AGBL4: variants seen among roughly 807,000 people sequenced by gnomAD.
The protein encoded by AGBL4 is AGBL carboxypeptidase 4, also known as cytosolic carboxypeptidase 6.
AGBL4 carries 58 observed loss-of-function variants against 66.4 expected under a neutral mutation model. That is an observed-to-expected ratio of 0.87 (90% confidence interval 0.71 to 1.09). The LOEUF is 1.09. Ranked by LOEUF, AGBL4 falls within the 50% of genes least tolerant of loss-of-function variation. AGBL4 has a pLI of 0.00. For synonymous variants in AGBL4, 234 were observed against 222.9 expected, an observed-to-expected ratio of 1.05 and a Z score of -0.44; for missense variants, 579 against 631.0, an observed-to-expected ratio of 0.92 and a Z score of 0.88.
At chr1:49,911,815 T>C (rs1050144725) in intron 1 of AGBL4, among the ~76,000 whole-genome samples, 1 of 152,130 alleles carries the variant, frequency 6.6e-6, no homozygotes, top group Non-Finnish European at 1.5e-5. Context: ...TCACACACAA[T>C]AGTGCACTGG....
At chr1:49,718,760 A>T (rs2124680931) in intron 2 of AGBL4, among the ~76,000 whole-genome samples, 1 of 152,110 alleles carries the variant, frequency 6.6e-6, no homozygotes, top group Middle Eastern at 3.4e-3. Context: ...TTTTGTCTGT[A>T]TTTTCTTCTT....
At chr1:49,630,865 G>A (rs1044151508) in intron 3 of AGBL4, among the ~76,000 whole-genome samples, 2 of 152,148 alleles carry the variant, frequency 1.3e-5, no homozygotes, top group South Asian at 4.1e-4. Context: ...ATTTGTAGTA[G>A]TAGTATTTTA....
At chr1:49,133,579 T>C (rs1201289019) in intron 4 of AGBL4, among the ~76,000 whole-genome samples, 1 of 152,216 alleles carries the variant, frequency 6.6e-6, no homozygotes, top group South Asian at 2.1e-4. Flanking sequence ...TTAAAAATAG[T>C]ATAATATGTA....
intron 1 of AGBL4, among the ~76,000 whole-genome samples, chr1:49,981,035 CTATT>C (rs983845534): frequency 1.3e-5 from 2 of 152,066 alleles, no homozygotes; most frequent in Admixed American, 6.5e-5. Flanking sequence ...ATTACATAAA[CTATT>C]TAATTACTAA....
At chr1:48,782,086 A>G (rs1247044829) in intron 6 of AGBL4, among the ~76,000 whole-genome samples, 1 of 152,200 alleles carries the variant, frequency 6.6e-6, no homozygotes, top group Admixed American at 6.5e-5. Context: ...TTGTGGTTAT[A>G]TTTCAATTTT....
intron 3 of AGBL4, among the ~76,000 whole-genome samples, chr1:49,311,217 G>T (rs1302806619): frequency 6.6e-6 from 1 of 151,950 alleles, no homozygotes; most frequent in Non-Finnish European, 1.5e-5. Flanking sequence ...TATCTTATCA[G>T]TAAATTGAGT....
intron 1 of AGBL4, among the ~76,000 whole-genome samples, chr1:49,934,756 G>A (rs1407679109): frequency 2.9e-5 from 4 of 138,726 alleles, no homozygotes; most frequent in African/African-American, 1.1e-4. Context: ...AGAAAAAGAA[G>A]AACAAACAAA....
chr1:49,393,065 A>G (rs1299405075), intron 3 of AGBL4, among the ~76,000 whole-genome samples: 2 of 152,180 alleles, frequency 1.3e-5, no homozygotes, highest in East Asian at 3.8e-4. Context: ...AACAAAGAAA[A>G]TAATACCTAA....
intron 3 of AGBL4, among the ~76,000 whole-genome samples, chr1:49,559,873 G>A (rs548270181): frequency 6.6e-6 from 1 of 152,244 alleles, no homozygotes; most frequent in Non-Finnish European, 1.5e-5. Flanking sequence ...TTGTGATAGT[G>A]TGAGTCAATT....
chr1:49,474,977 A>T (rs1326551675), intron 3 of AGBL4, among the ~76,000 whole-genome samples: 2 of 152,024 alleles, frequency 1.3e-5, no homozygotes, highest in Non-Finnish European at 2.9e-5. Flanking sequence ...CAGTACGTTG[A>T]ATAGTAGTGG....
intron 3 of AGBL4, among the ~76,000 whole-genome samples, chr1:49,641,479 C>T (rs185127689): frequency 3.3e-5 from 5 of 152,122 alleles, no homozygotes; most frequent in South Asian, 4.1e-4. Context: ...TGCAACATTT[C>T]GTTCCACAAT....
At chr1:49,275,647 G>T (rs763914798) in intron 3 of AGBL4, among the ~76,000 whole-genome samples, 2 of 152,040 alleles carry the variant, frequency 1.3e-5, no homozygotes, top group Admixed American at 1.3e-4. Flanking sequence ...AAAACCTATA[G>T]TATACCTGTT....
chr1:48,537,900 G>A (rs773795202), intron 12 of AGBL4, among the ~76,000 whole-genome samples: 83 of 152,170 alleles, frequency 5.5e-4, no homozygotes, highest in Admixed American at 3.2e-3. Context: ...AGAGGCAGGG[G>A]TCATGCTTTA....
At chr1:48,759,689 G>C (rs1890727) in intron 6 of AGBL4, among the ~76,000 whole-genome samples, 148,608 of 152,324 alleles carry the variant, frequency 0.98, 72,583 homozygotes, top group East Asian at 1. Flanking sequence ...AGGGAGAAAT[G>C]AGGCCAGGCC....
At chr1:49,462,178 T>C (rs1344301966) in intron 3 of AGBL4, among the ~76,000 whole-genome samples, 1 of 151,798 alleles carries the variant, frequency 6.6e-6, no homozygotes, top group Non-Finnish European at 1.5e-5. Flanking sequence ...AAACATTCAA[T>C]GATAATAGCT....
At chr1:49,260,038 A>G (rs1489425848) in intron 3 of AGBL4, among the ~76,000 whole-genome samples, 1 of 151,388 alleles carries the variant, frequency 6.6e-6, no homozygotes, top group Non-Finnish European at 1.5e-5. Flanking sequence ...GAAACTGAAC[A>G]ACCTGCTCCT....
chr1:49,606,980 A>C (rs1445830631), intron 3 of AGBL4, among the ~76,000 whole-genome samples: 1 of 152,082 alleles, frequency 6.6e-6, no homozygotes, highest in East Asian at 1.9e-4. Context: ...GTTTCCCATT[A>C]ACTACCTATA....
chr1:48,765,494 G>C (rs1644486260), intron 6 of AGBL4, among the ~76,000 whole-genome samples: 1 of 152,228 alleles, frequency 6.6e-6, no homozygotes, highest in African/African-American at 2.4e-5. Flanking sequence ...AGCCATAGTA[G>C]AGAACATTAT....
intron 6 of AGBL4, among the ~76,000 whole-genome samples, chr1:48,814,874 G>T (rs1472104844): frequency 6.6e-6 from 1 of 152,152 alleles, no homozygotes; most frequent in Non-Finnish European, 1.5e-5. Context: ...TGGTGCAGAT[G>T]TCTTTTTGAT....
Sources: allele counts gnomAD v4.1 joint callset (sites outside exome capture counted in the v4.1 genomes callset), GRCh38; gene constraint gnomAD v4.1.1; transcripts MANE v1.5; gene names NCBI Gene and HGNC (gene_info 2026-07-23, HGNC 2026-07-21).